CNNM2: variants seen among roughly 807,000 people sequenced by gnomAD.
CNNM2 encodes cyclin and CBS domain divalent metal cation transport mediator 2.
A neutral mutation model predicts 66.9 loss-of-function variants in CNNM2; 12 were observed. That is an observed-to-expected ratio of 0.18 (90% CI 0.11 to 0.29). The LOEUF (loss-of-function observed/expected upper bound fraction) is 0.29. Ranked by LOEUF, CNNM2 falls within the 10% of genes least tolerant of loss-of-function variation. CNNM2 has a pLI of 1.00. For synonymous variants in CNNM2, 557 were observed against 501.8 expected, an observed-to-expected ratio of 1.11 and a Z score of -1.47; for missense variants, 705 against 1,167.7, an observed-to-expected ratio of 0.60 and a Z score of 5.77.
chr10:102,971,762 A>G (rs542578831), intron 1 of CNNM2, among the ~76,000 whole-genome samples: 4 of 152,298 alleles, frequency 2.6e-5, no homozygotes, highest in African/African-American at 9.6e-5. Flanking sequence ...TTGCTTATGT[A>G]AGTAATGTCC....
In CNNM2 at chr10:102,918,297, T is replaced by C. The variant is rs1162821143; in HGVS notation, c.-184T>C. 9.4e-7 allele frequency: 1 copy of C among 1,063,516 alleles called. No individual in the cohort carries two copies. Among genetic ancestry groups the C allele is most frequent in the African/African-American group, 1.7e-5 (1 of 59,438 alleles). 65.9% of individuals were successfully genotyped at this position (1,063,516 alleles called of 1,614,324 possible). On this transcript the variant is annotated 5_prime_UTR_variant, in exon 1 of 8. Transcript: ENST00000369878. This position sits in a 1 kb window ranked among gnomAD's most constrained non-coding sequence, Gnocchi z 4.1. ...CGGGAGCAGCCGGCGCTCCTCTCCC[T>C]CCCTCTTTCCCTCCCGCGAGCCTCG...
At chr10:102,947,784 G>A (rs1429736933) in intron 1 of CNNM2, among the ~76,000 whole-genome samples, 1 of 152,008 alleles carries the variant, frequency 6.6e-6, no homozygotes, top group Non-Finnish European at 1.5e-5. Flanking sequence ...AGGCGCGGTG[G>A]CTCATGCCTG....
chr10:102,986,779 CAAAA>C (rs58137673), intron 1 of CNNM2, among the ~76,000 whole-genome samples: 1 of 120,590 alleles, frequency 8.3e-6, no homozygotes, highest in East Asian at 2.4e-4. Flanking sequence ...GACTCAGTCT[CAAAA>C]AAAAAAAAAA....
At chr10:102,931,280 G>C (rs568764508) in intron 1 of CNNM2, among the ~76,000 whole-genome samples, 30 of 152,062 alleles carry the variant, frequency 2.0e-4, no homozygotes, top group African/African-American at 7.0e-4. Flanking sequence ...AGCTGGAGCA[G>C]GGTCTCAGAA....
chr10:103,004,266 G>T (rs1056172405), intron 1 of CNNM2, among the ~76,000 whole-genome samples: 1 of 152,108 alleles, frequency 6.6e-6, no homozygotes, highest in African/African-American at 2.4e-5. Flanking sequence ...GCCTCCCTAA[G>T]TGCTGGATTA....
intron 1 of CNNM2, among the ~76,000 whole-genome samples, chr10:102,954,596 T>C (rs1846966513): frequency 6.6e-6 from 1 of 152,178 alleles, no homozygotes; most frequent in East Asian, 1.9e-4. Flanking sequence ...TTGTGGACAA[T>C]GCAAAGATGA....
At chr10:102,971,221 C>T (rs1662581696) in intron 1 of CNNM2, among the ~76,000 whole-genome samples, 1 of 133,296 alleles carries the variant, frequency 7.5e-6, no homozygotes, top group Admixed American at 8.0e-5. Context: ...TCTGCAAACA[C>T]TATGGTGACT....
At chr10:103,044,510 C>T (rs1184399087) in intron 1 of CNNM2, among the ~76,000 whole-genome samples, 2 of 151,288 alleles carry the variant, frequency 1.3e-5, no homozygotes, top group African/African-American at 2.4e-5. Context: ...GAGCTACGAT[C>T]ATGCCACTGC....
At chr10:103,024,744 C>G (rs908930181) in intron 1 of CNNM2, among the ~76,000 whole-genome samples, 11 of 152,130 alleles carry the variant, frequency 7.2e-5, no homozygotes, top group African/African-American at 2.4e-4. Context: ...TCCCAAATTG[C>G]TGGGATTACA....
At chr10:103,074,270 G>C (rs541298234) in intron 6 of CNNM2, among the ~76,000 whole-genome samples, 40 of 151,946 alleles carry the variant, frequency 2.6e-4, no homozygotes, top group African/African-American at 9.2e-4. Flanking sequence ...CCTGGGTGAC[G>C]AGAGGGAGAC....
In CNNM2 at chr10:103,086,978, A is replaced by AGG. The variant is rs2065822320; in HGVS notation, c.*9801_*9802dup. On this transcript the variant is annotated 3_prime_UTR_variant, in exon 8 of 8. Coordinates refer to ENST00000369878, the MANE Select transcript of CNNM2 (RefSeq NM_017649.5). ...CCACTGACCAACTGCTGGGGAGGCTAGGGGACCTGTCAGTACATGCTGTAA... is the reference window on the plus strand; with the variant it reads ...CCACTGACCAACTGCTGGGGAGGCTAGGGGGGACCTGTCAGTACATGCTGTAA... 1 of 152,084 alleles carries AGG rather than the reference A, an allele frequency of 6.6e-6. No homozygotes were observed. Among genetic ancestry groups the AGG allele is most frequent in the African/African-American group, 2.4e-5 (1 of 41,410 alleles). The allele number at this position is 152,084 out of a possible 1,614,324, so 9.4% of individuals were successfully genotyped here.
intron 3 of CNNM2, among the ~76,000 whole-genome samples, chr10:103,056,378 C>T (rs759022777): frequency 2.6e-5 from 4 of 152,136 alleles, no homozygotes; most frequent in Non-Finnish European, 5.9e-5. Flanking sequence ...ACGTGGGGCA[C>T]CTGTGTGTGT....
intron 3 of CNNM2, among the ~76,000 whole-genome samples, chr10:103,055,025 T>TTG (rs1281404465): frequency 6.6e-6 from 1 of 152,278 alleles, no homozygotes; most frequent in Non-Finnish European, 1.5e-5. Flanking sequence ...TATGGATTTC[T>TTG]TGATGGCCTC....
chr10:102,996,119 C>T (rs879825706), intron 1 of CNNM2, among the ~76,000 whole-genome samples: 1 of 151,998 alleles, frequency 6.6e-6, no homozygotes, highest in Non-Finnish European at 1.5e-5. Context: ...TAATGGTATT[C>T]CCCTCTTTTT....
chr10:103,072,332 C>T (rs1590506077), intron 6 of CNNM2, among the ~76,000 whole-genome samples: 1 of 152,228 alleles, frequency 6.6e-6, no homozygotes, highest in Admixed American at 6.5e-5. Context: ...CACAGGCGCA[C>T]GACATTCTTG....
At chr10:103,044,953 G>A (rs1477721393) in intron 1 of CNNM2, among the ~76,000 whole-genome samples, 3 of 152,184 alleles carry the variant, frequency 2.0e-5, no homozygotes, top group East Asian at 1.9e-4. Flanking sequence ...GCATTTAAAC[G>A]AGTTGCTCCA....
intron 1 of CNNM2, chr10:102,927,449 A>T (rs1441466432): frequency 1.9e-6 from 3 of 1,608,670 alleles, no homozygotes; most frequent in Admixed American, 1.7e-5. Context: ...TAGGATGTCT[A>T]TACAGAGGGA....
At chr10:103,009,978 G>C (rs1434230464) in intron 1 of CNNM2, among the ~76,000 whole-genome samples, 1 of 151,088 alleles carries the variant, frequency 6.6e-6, no homozygotes, top group Non-Finnish European at 1.5e-5. Context: ...AAATTGCGAA[G>C]AACGTATTAA....
chr10:102,944,967 GTTTTGTT>G (rs56964064), intron 1 of CNNM2, among the ~76,000 whole-genome samples: 1 of 147,042 alleles, frequency 6.8e-6, no homozygotes, highest in African/African-American at 2.5e-5. Context: ...ATATGGTTTT[GTTTTGTT>G]TTTTGTTTTT....
Sources: allele counts gnomAD v4.1 joint callset (sites outside exome capture counted in the v4.1 genomes callset), GRCh38; gene constraint gnomAD v4.1.1; non-coding constraint Gnocchi (gnomAD v3.1); transcripts MANE v1.5; gene names NCBI Gene and HGNC (gene_info 2026-07-23, HGNC 2026-07-21).